CACNB2: variants seen among roughly 807,000 people sequenced by gnomAD.
CACNB2 encodes the protein voltage-dependent L-type calcium channel subunit beta-2.
In CACNB2, 42 loss-of-function variants were observed where a neutral mutation model predicts 73.3. That is an observed-to-expected ratio of 0.57 (90% CI 0.45 to 0.74). The LOEUF (loss-of-function observed/expected upper bound fraction) is 0.74. Ranked by LOEUF, CACNB2 falls within the 30% of genes least tolerant of loss-of-function variation. The pLI is 0.00. For missense variants in CACNB2, 940 were observed against 853.0 expected, an observed-to-expected ratio of 1.10 and a Z score of -1.27; for synonymous variants, 348 against 310.3, an observed-to-expected ratio of 1.12 and a Z score of -1.28.
At chr10:18,147,058 C>T (rs765823522) in intron 1 of CACNB2, among the ~76,000 whole-genome samples, 3 of 152,312 alleles carry the variant, frequency 2.0e-5, no homozygotes, top group Non-Finnish European at 4.4e-5. Context: ...TTTGAGTGCA[C>T]GGCTAAAATC....
chr10:18,517,790 G>A (rs1207729577), intron 7 of CACNB2, among the ~76,000 whole-genome samples: 1 of 152,134 alleles, frequency 6.6e-6, no homozygotes, highest in African/African-American at 2.4e-5. Context: ...TTTGACAGTA[G>A]TGAGAGTTAC....
chr10:18,299,027 C>T (rs2039392398), intron 2 of CACNB2, among the ~76,000 whole-genome samples: 1 of 141,128 alleles, frequency 7.1e-6, no homozygotes, highest in East Asian at 2.0e-4. Flanking sequence ...TGTAACAAAC[C>T]TGCACGTTGT....
intron 2 of CACNB2, among the ~76,000 whole-genome samples, chr10:18,293,060 T>C (rs564694370): frequency 6.6e-6 from 1 of 152,324 alleles, no homozygotes; most frequent in African/African-American, 2.4e-5. Flanking sequence ...TTATATGAAA[T>C]AGCACCATAT....
intron 2 of CACNB2, among the ~76,000 whole-genome samples, chr10:18,177,220 G>A (rs987306876): frequency 1.3e-5 from 2 of 152,128 alleles, no homozygotes; most frequent in Non-Finnish European, 2.9e-5. Flanking sequence ...CATCAGAAGT[G>A]TATTTTACCA....
chr10:18,455,331 C>T (rs918532809), intron 3 of CACNB2, among the ~76,000 whole-genome samples: 3 of 152,136 alleles, frequency 2.0e-5, no homozygotes, highest in South Asian at 2.1e-4. Context: ...GATTTAGAAA[C>T]GGCACTTAAG....
At chr10:18,192,150 C>T (rs1479587223) in intron 2 of CACNB2, among the ~76,000 whole-genome samples, 1 of 151,754 alleles carries the variant, frequency 6.6e-6, no homozygotes, top group Non-Finnish European at 1.5e-5. Flanking sequence ...CAAGGCCAGA[C>T]AAAGGTACAG....
At chr10:18,532,666 G>A (rs533516121) in intron 10 of CACNB2, among the ~76,000 whole-genome samples, 17 of 115,122 alleles carry the variant, frequency 1.5e-4, no homozygotes, top group East Asian at 7.0e-4. Flanking sequence ...GACAGAGAGA[G>A]ACTCTGTCTC....
At chr10:18,219,966 C>T (rs936483669) in intron 2 of CACNB2, among the ~76,000 whole-genome samples, 15 of 149,248 alleles carry the variant, frequency 1.0e-4, no homozygotes, top group Admixed American at 6.7e-5. Flanking sequence ...GGGGTTTCTT[C>T]CTGTTGGCCA....
chr10:18,428,600 C>CA (rs758934256), intron 3 of CACNB2, among the ~76,000 whole-genome samples: 3 of 151,500 alleles, frequency 2.0e-5, no homozygotes, highest in South Asian at 4.2e-4. Flanking sequence ...GTATGAGAAT[C>CA]GCTTGAATTC....
At chr10:18,454,403 C>T (rs2047166781) in intron 3 of CACNB2, among the ~76,000 whole-genome samples, 1 of 152,134 alleles carries the variant, frequency 6.6e-6, no homozygotes, top group African/African-American at 2.4e-5. Context: ...TAATCACCAT[C>T]CCTCCCTCCA....
At chr10:18,390,374 G>A (rs2043413517) in intron 2 of CACNB2, among the ~76,000 whole-genome samples, 2 of 152,088 alleles carry the variant, frequency 1.3e-5, no homozygotes, top group Admixed American at 1.3e-4. Flanking sequence ...CACCATGCCT[G>A]GCTAATTTTT....
chr10:18,158,734 A>T (rs1055478206), intron 2 of CACNB2, among the ~76,000 whole-genome samples: 4 of 152,240 alleles, frequency 2.6e-5, no homozygotes, highest in African/African-American at 7.2e-5. Flanking sequence ...TTAGAGCCAA[A>T]ATCTAAACAG....
At chr10:18,189,131 ATTGT>A (rs991933139) in intron 2 of CACNB2, among the ~76,000 whole-genome samples, 5 of 152,070 alleles carry the variant, frequency 3.3e-5, no homozygotes, top group South Asian at 2.1e-4. Context: ...CCAACTACAG[ATTGT>A]TTGTTTTTTT....
chr10:18,327,566 A>G (rs1453345291), intron 2 of CACNB2, among the ~76,000 whole-genome samples: 1 of 152,118 alleles, frequency 6.6e-6, no homozygotes. Context: ...GTGGGATTAC[A>G]GGCGCATGCT....
chr10:18,149,487 A>G (rs2031314180), intron 1 of CACNB2, among the ~76,000 whole-genome samples: 1 of 152,240 alleles, frequency 6.6e-6, no homozygotes, highest in African/African-American at 2.4e-5. Context: ...GATACTCTGA[A>G]TAGAACAAAC....
Position 18,181,228 on chromosome 10 carries a change from C to T in CACNB2, c.213+30253C>T, listed in dbSNP as rs1191600363. Among the ~76,000 whole-genome samples the T allele has an allele frequency of 2.0e-5, 3 of 152,108 alleles. No homozygotes were observed. The East Asian group carries it at 5.8e-4, about 29-fold the overall frequency. ...GCACTGGAATGACCTTACCTAGATCCCTACTTTCTCCCATGAAACTTCCCT... is the reference window on the plus strand; with the variant it reads ...GCACTGGAATGACCTTACCTAGATCTCTACTTTCTCCCATGAAACTTCCCT... On this transcript the variant is annotated intron_variant, in intron 2 of 13. Coordinates refer to ENST00000324631, the MANE Select transcript of CACNB2 (RefSeq NM_201596.3).
chr10:18,391,642 A>G (rs2043472287), intron 2 of CACNB2, among the ~76,000 whole-genome samples: 1 of 152,054 alleles, frequency 6.6e-6, no homozygotes, highest in African/African-American at 2.4e-5. Context: ...AAAAACACTA[A>G]TAGGCTGGGC....
chr10:18,300,972 G>T (rs2039487300), intron 2 of CACNB2, among the ~76,000 whole-genome samples: 1 of 152,204 alleles, frequency 6.6e-6, no homozygotes, highest in Non-Finnish European at 1.5e-5. Flanking sequence ...CTAAGGACTA[G>T]TGTCAGTTCC....
chr10:18,160,971 A>G (rs780709290), intron 2 of CACNB2, among the ~76,000 whole-genome samples: 2 of 152,178 alleles, frequency 1.3e-5, no homozygotes, highest in African/African-American at 4.8e-5. Context: ...GTGACCAAGC[A>G]TGTGTGTCTG....
Sources: gnomAD v4.1 joint callset for allele counts (sites outside exome capture counted in the v4.1 genomes callset) on GRCh38, gnomAD v4.1.1 for gene constraint, MANE v1.5 for transcripts, NCBI Gene and HGNC (gene_info 2026-07-23, HGNC 2026-07-21) for gene names.